THSD7B: variants seen among roughly 807,000 people sequenced by gnomAD.
The protein encoded by THSD7B is thrombospondin type-1 domain-containing protein 7B.
THSD7B carries 138 observed loss-of-function variants against 213.6 expected under a neutral mutation model. The ratio of observed to expected loss-of-function variants is 0.65; its 90% CI spans 0.56 to 0.74. The LOEUF (loss-of-function observed/expected upper bound fraction) is 0.74, where lower values mean the gene tolerates loss of function less well. Ranked by LOEUF, THSD7B falls within the 30% of genes least tolerant of loss-of-function variation. The pLI is 0.00. For synonymous variants in THSD7B, 742 were observed against 687.0 expected (o/e 1.08, Z -1.25); for missense variants, 1,931 against 1,991.5 (o/e 0.97, Z 0.58).
At chr2:137,055,563 T>C (rs1166829886) in intron 2 of THSD7B, among the ~76,000 whole-genome samples, 8 of 152,202 alleles carry the variant, frequency 5.3e-5, no homozygotes, top group Non-Finnish European at 8.8e-5. Context: ...GCAAAAAATA[T>C]GATAAACGTC....
chr2:137,401,758 C>T (rs1322731040), intron 12 of THSD7B, among the ~76,000 whole-genome samples: 2 of 151,256 alleles, frequency 1.3e-5, no homozygotes, highest in East Asian at 1.9e-4. Context: ...CCTAACTTTG[C>T]GTGCATTTGT....
intron 10 of THSD7B, among the ~76,000 whole-genome samples, chr2:137,250,263 CAAAT>C (rs1375246024): frequency 2.0e-5 from 3 of 151,984 alleles, no homozygotes; most frequent in Non-Finnish European, 4.4e-5. Flanking sequence ...TTTAATTTGA[CAAAT>C]AATAACTGTA....
intron 2 of THSD7B, among the ~76,000 whole-genome samples, chr2:137,042,654 A>G (rs183147366): frequency 1.8e-4 from 27 of 152,304 alleles, no homozygotes; most frequent in Admixed American, 1.2e-3. Context: ...AAGTAATAAT[A>G]TGTTATCTTC....
chr2:137,645,718 G>C (rs568322224), intron 21 of THSD7B, among the ~76,000 whole-genome samples: 1 of 151,252 alleles, frequency 6.6e-6, no homozygotes, highest in Non-Finnish European at 1.5e-5. Context: ...TTTACCTAAG[G>C]GTCCATGTAT....
intron 5 of THSD7B, among the ~76,000 whole-genome samples, chr2:137,138,120 C>T (rs1193190087): frequency 6.6e-6 from 1 of 152,118 alleles, no homozygotes; most frequent in Non-Finnish European, 1.5e-5. Context: ...TCTCAAACTT[C>T]TGGCCTCAAG....
intron 2 of THSD7B, among the ~76,000 whole-genome samples, chr2:136,972,078 C>G (rs1177991733): frequency 1.3e-5 from 2 of 151,352 alleles, no homozygotes; most frequent in African/African-American, 2.4e-5. Flanking sequence ...CCTGAAGTCT[C>G]TATGACAAGG....
At chr2:136,857,502 C>T (rs938245801) in intron 1 of THSD7B, among the ~76,000 whole-genome samples, 3 of 152,198 alleles carry the variant, frequency 2.0e-5, no homozygotes, top group African/African-American at 7.2e-5. Flanking sequence ...TCTTTTCTCT[C>T]CCTTGTTTAA....
At chr2:136,919,796 G>A (rs567389615) in intron 2 of THSD7B, among the ~76,000 whole-genome samples, 2 of 152,348 alleles carry the variant, frequency 1.3e-5, no homozygotes, top group African/African-American at 4.8e-5. Context: ...GAGTGTGTGA[G>A]CAAGTGAGTG....
intron 7 of THSD7B, among the ~76,000 whole-genome samples, chr2:137,218,233 G>A (rs554873116): frequency 2.0e-5 from 3 of 152,072 alleles, no homozygotes; most frequent in East Asian, 3.9e-4. Context: ...TCAAATGTCT[G>A]TATTCTTCAT....
chr2:137,584,956 C>T (rs1057453626), intron 17 of THSD7B, among the ~76,000 whole-genome samples: 24 of 152,092 alleles, frequency 1.6e-4, no homozygotes, highest in Admixed American at 6.5e-4. Flanking sequence ...GCTGTGAATC[C>T]GTCTGGTCCT....
chr2:137,554,939 C>T (rs1380095598), intron 15 of THSD7B, among the ~76,000 whole-genome samples: 4 of 152,160 alleles, frequency 2.6e-5, no homozygotes, highest in African/African-American at 4.8e-5. Context: ...CAGGGAGCCC[C>T]GCTCACTGCT....
intron 12 of THSD7B, among the ~76,000 whole-genome samples, chr2:137,388,800 A>T (rs183089145): frequency 2.6e-4 from 40 of 152,266 alleles, no homozygotes; most frequent in Admixed American, 2.5e-3. Flanking sequence ...GTTTCACTTA[A>T]CATAATGACC....
intron 12 of THSD7B, among the ~76,000 whole-genome samples, chr2:137,356,644 C>G (rs1398214549): frequency 6.6e-6 from 1 of 152,144 alleles, no homozygotes; most frequent in East Asian, 1.9e-4. Flanking sequence ...AGCTTGCACT[C>G]TTGGGAGGCT....
chr2:137,042,168 T>C (rs1269786169), intron 2 of THSD7B, among the ~76,000 whole-genome samples: 1 of 151,814 alleles, frequency 6.6e-6, no homozygotes, highest in Non-Finnish European at 1.5e-5. Flanking sequence ...CTTTTACTGA[T>C]GTGTTCATTG....
intron 17 of THSD7B, among the ~76,000 whole-genome samples, chr2:137,600,554 A>G (rs1682056887): frequency 6.6e-6 from 1 of 152,148 alleles, no homozygotes; most frequent in African/African-American, 2.4e-5. Flanking sequence ...CCTGGCCAAC[A>G]TGGCGAAACC....
In THSD7B at chr2:137,445,503, G is replaced by C. The variant is rs112660835; in HGVS notation, c.2960-5342G>C. On this transcript the variant is annotated intron_variant, in intron 14 of 27. Transcript: ENST00000409968. ...AGATTATGTTACATGAAATAAGCCA[G>C]ACACAGAAAGACAAATACTGTGTGT... is the stretch of plus-strand genomic sequence containing the variant. Among the ~76,000 whole-genome samples, 95 of 152,056 alleles carry C rather than the reference G, an allele frequency of 6.2e-4. 1 individual carries two copies. The highest frequency in any genetic ancestry group is 3.4e-3 in the Middle Eastern group (1 of 294).
intron 1 of THSD7B, among the ~76,000 whole-genome samples, chr2:136,797,535 G>A (rs541355455): frequency 1.5e-4 from 23 of 152,068 alleles, no homozygotes; most frequent in Non-Finnish European, 2.1e-4. Flanking sequence ...TTGTTCATGC[G>A]TTGCAGATGG....
chr2:137,267,950 C>T (rs535398179), intron 10 of THSD7B, among the ~76,000 whole-genome samples: 2 of 152,272 alleles, frequency 1.3e-5, no homozygotes, highest in African/African-American at 4.8e-5. Flanking sequence ...TACTACTTGG[C>T]CTTTGCCCAT....
chr2:136,947,838 G>C (rs1453005345), intron 2 of THSD7B, among the ~76,000 whole-genome samples: 1 of 152,094 alleles, frequency 6.6e-6, no homozygotes, highest in Non-Finnish European at 1.5e-5. Flanking sequence ...TTAAGATTTG[G>C]AAACTTAACA....
Sources: allele counts gnomAD v4.1 joint callset (sites outside exome capture counted in the v4.1 genomes callset), GRCh38; gene constraint gnomAD v4.1.1; transcripts MANE v1.5; gene names NCBI Gene and HGNC (gene_info 2026-07-23, HGNC 2026-07-21).